Variants in DLG2 observed in about 807,000 individuals in gnomAD.
DLG2 encodes discs large MAGUK scaffold protein 2.
A neutral mutation model predicts 132.5 loss-of-function variants in DLG2; 45 were observed. That is an observed-to-expected ratio of 0.34 (90% CI 0.27 to 0.44). The LOEUF (loss-of-function observed/expected upper bound fraction) is 0.44, where lower values mean the gene tolerates loss of function less well. DLG2 is among the 20% of genes least tolerant of loss of function. DLG2 has a pLI of 1.00. For missense variants in DLG2, 1,045 were observed against 1,196.9 expected (o/e 0.87, Z 1.87); for synonymous variants, 424 against 419.6 (o/e 1.01, Z -0.13).
At chr11:83,518,029 C>G (rs542151662) in intron 21 of DLG2, among the ~76,000 whole-genome samples, 1 of 152,288 alleles carries the variant, frequency 6.6e-6, no homozygotes, top group South Asian at 2.1e-4. Flanking sequence ...GCTGGGAGAA[C>G]CACTACTCTC....
chr11:84,065,780 G>A (rs1045766466), intron 10 of DLG2, among the ~76,000 whole-genome samples: 1 of 152,118 alleles, frequency 6.6e-6, no homozygotes, highest in African/African-American at 2.4e-5. Flanking sequence ...GTTCAACACA[G>A]CACCATTCAC....
chr11:84,397,529 G>T (rs1394855265), intron 7 of DLG2, among the ~76,000 whole-genome samples: 1 of 152,198 alleles, frequency 6.6e-6, no homozygotes, highest in Non-Finnish European at 1.5e-5. Context: ...GAAACCACTT[G>T]TGCAATTCTC....
intron 9 of DLG2, among the ~76,000 whole-genome samples, chr11:84,110,226 CAA>C (rs1481884005): frequency 6.6e-6 from 1 of 152,092 alleles, no homozygotes; most frequent in African/African-American, 2.4e-5. Flanking sequence ...GTATTGGAAA[CAA>C]AACAGAAGTG....
intron 6 of DLG2, among the ~76,000 whole-genome samples, chr11:84,831,751 G>T (rs1252397106): frequency 6.6e-6 from 1 of 151,594 alleles, no homozygotes; most frequent in Non-Finnish European, 1.5e-5. Flanking sequence ...TTAAATGGAA[G>T]GCAAATACTC....
At chr11:84,194,542 C>G (rs1307468028) in intron 8 of DLG2, among the ~76,000 whole-genome samples, 3 of 152,186 alleles carry the variant, frequency 2.0e-5, no homozygotes, top group Non-Finnish European at 4.4e-5. Flanking sequence ...ATTCCCTTAT[C>G]TGGCCCACCC....
At chr11:83,716,626 A>G (rs1437010048) in intron 18 of DLG2, among the ~76,000 whole-genome samples, 1 of 152,180 alleles carries the variant, frequency 6.6e-6, no homozygotes, top group Non-Finnish European at 1.5e-5. Context: ...CACAGATTAT[A>G]CCCATTTTGC....
intron 4 of DLG2, among the ~76,000 whole-genome samples, chr11:85,225,724 G>A (rs2074935723): frequency 2.0e-5 from 3 of 151,918 alleles, no homozygotes; most frequent in Admixed American, 2.0e-4. Context: ...TTGACTTGGG[G>A]CAGATATTCT....
intron 10 of DLG2, among the ~76,000 whole-genome samples, chr11:84,082,124 C>A (rs996702601): frequency 2.0e-5 from 3 of 152,136 alleles, no homozygotes; most frequent in Non-Finnish European, 4.4e-5. Flanking sequence ...ATGTCTTGAA[C>A]TTTCATCCTG....
chr11:84,784,143 CAAAAA>C (rs59301159), intron 6 of DLG2, among the ~76,000 whole-genome samples: 3 of 8,656 alleles, frequency 3.5e-4, no homozygotes, highest in African/African-American at 9.5e-4. Flanking sequence ...ACTAAAAATG[CAAAAA>C]AAAAAAAAAA....
chr11:84,590,238 T>C (rs1283473022), intron 6 of DLG2, among the ~76,000 whole-genome samples: 4 of 152,176 alleles, frequency 2.6e-5, no homozygotes, highest in Non-Finnish European at 5.9e-5. Context: ...GAATTACCAT[T>C]TAAATGTGGT....
intron 6 of DLG2, among the ~76,000 whole-genome samples, chr11:84,582,382 A>T (rs2099518622): frequency 1.3e-5 from 2 of 149,592 alleles, no homozygotes; most frequent in Non-Finnish European, 3.0e-5. Flanking sequence ...AGGACTATAT[A>T]TATATTTAGG....
chr11:83,501,147 C>A (rs1415471140), intron 21 of DLG2, among the ~76,000 whole-genome samples: 1 of 151,302 alleles, frequency 6.6e-6, no homozygotes, highest in Non-Finnish European at 1.5e-5. Flanking sequence ...TCAGAACATA[C>A]GTTGTTGGTC....
intron 4 of DLG2, among the ~76,000 whole-genome samples, chr11:85,174,419 C>T (rs534366632): frequency 6.6e-6 from 1 of 152,100 alleles, no homozygotes; most frequent in African/African-American, 2.4e-5. Context: ...TTCTTTGAAA[C>T]AAATGAAAAC....
At chr11:84,080,146 A>G (rs2096883113) in intron 10 of DLG2, among the ~76,000 whole-genome samples, 1 of 152,168 alleles carries the variant, frequency 6.6e-6, no homozygotes, top group Non-Finnish European at 1.5e-5. Flanking sequence ...CCAGCTCCAG[A>G]TGTCTGAAGC....
intron 7 of DLG2, among the ~76,000 whole-genome samples, chr11:84,483,231 A>C (rs926464268): frequency 3.3e-5 from 5 of 152,016 alleles, no homozygotes; most frequent in African/African-American, 1.2e-4. Context: ...TCAGGAGTTC[A>C]AGACCAGCCT....
chr11:83,682,689 A>G (rs1055355538), intron 18 of DLG2, among the ~76,000 whole-genome samples: 6 of 152,138 alleles, frequency 3.9e-5, no homozygotes, highest in Admixed American at 3.9e-4. Context: ...ATATTTGCAT[A>G]GCCTGTCACA....
chr11:83,567,013 C>T (rs554170463), intron 19 of DLG2, among the ~76,000 whole-genome samples: 80 of 152,040 alleles, frequency 5.3e-4, no homozygotes, highest in South Asian at 1.2e-3. Context: ...ATCTTGACTC[C>T]GTCTCATGGG....
chr11:83,887,988 A>G (rs1307711923), intron 15 of DLG2, among the ~76,000 whole-genome samples: 1 of 139,124 alleles, frequency 7.2e-6, no homozygotes, highest in Non-Finnish European at 1.6e-5. Flanking sequence ...CCCACAGCCA[A>G]TATCATACTG....
intron 2 of DLG2, among the ~76,000 whole-genome samples, chr11:85,622,596 C>A: frequency 6.9e-6 from 1 of 145,770 alleles, no homozygotes; most frequent in South Asian, 2.2e-4. Context: ...AAAAAATAAG[C>A]AGGAGAGTCA....
Sources: gnomAD v4.1 joint callset for allele counts (sites outside exome capture counted in the v4.1 genomes callset) on GRCh38, gnomAD v4.1.1 for gene constraint, MANE v1.5 for transcripts, NCBI Gene and HGNC (gene_info 2026-07-23, HGNC 2026-07-21) for gene names.